The following LRRTM4 variants were observed in gnomAD, a reference collection of about 807,000 sequenced individuals.
The protein encoded by LRRTM4 is leucine-rich repeat transmembrane neuronal protein 4.
LRRTM4 carries 25 observed loss-of-function variants against 47.6 expected under a neutral mutation model. The ratio of observed to expected loss-of-function variants is 0.53; its 90% CI spans 0.38 to 0.73. LRRTM4 has a LOEUF of 0.73. Ranked by LOEUF, LRRTM4 falls within the 30% of genes least tolerant of loss-of-function variation. The probability of loss-of-function intolerance (pLI) is 0.00; values close to 1 mark genes in which losing one functional copy is unlikely to be tolerated. For synonymous variants in LRRTM4, 311 were observed against 269.5 expected (o/e 1.15, Z -1.51); for missense variants, 638 against 713.4 (o/e 0.89, Z 1.20).
At chr2:76,882,753 G>T (rs1396470125) in intron 3 of LRRTM4, among the ~76,000 whole-genome samples, 3 of 151,962 alleles carry the variant, frequency 2.0e-5, no homozygotes, top group Admixed American at 1.3e-4. Flanking sequence ...TTCCAGGAGG[G>T]AGTTTACTTT....
intron 3 of LRRTM4, among the ~76,000 whole-genome samples, chr2:76,845,002 A>G (rs1377464638): frequency 1.3e-5 from 2 of 152,128 alleles, no homozygotes; most frequent in African/African-American, 2.4e-5. Flanking sequence ...CATTTTTGTG[A>G]TGAAAGCAAA....
In LRRTM4 at chr2:77,045,484, A is replaced by G. The variant is rs141820001; in HGVS notation, c.1552-296568T>C. On this transcript the variant is annotated intron_variant, in intron 3 of 3. Transcript: ENST00000409884. Reference sequence around the variant, plus strand: ...AAACAAAATTGGCTTTAATTCGGTTAGGCTGTGTCCCCACCCAAATCTCAT... The same window carrying G: ...AAACAAAATTGGCTTTAATTCGGTTGGGCTGTGTCCCCACCCAAATCTCAT... 3.8e-3 allele frequency among the ~76,000 whole-genome samples: 574 copies of G among 152,040 alleles called. 9 individuals are homozygous for G. The highest frequency in any genetic ancestry group is 0.012 in the African/African-American group (514 of 41,520).
intron 3 of LRRTM4, among the ~76,000 whole-genome samples, chr2:77,442,186 A>G (rs1675869521): frequency 6.6e-6 from 1 of 152,170 alleles, no homozygotes; most frequent in Admixed American, 6.6e-5. Context: ...AAATAGCTTA[A>G]CTGATTTATT....
intron 3 of LRRTM4, among the ~76,000 whole-genome samples, chr2:77,029,249 A>C (rs1316919504): frequency 1.3e-5 from 2 of 151,896 alleles, no homozygotes; most frequent in Non-Finnish European, 2.9e-5. Flanking sequence ...GGAGTTTATT[A>C]GGAGTATTGA....
intron 3 of LRRTM4, among the ~76,000 whole-genome samples, chr2:77,104,909 TAAG>T (rs1295317413): frequency 6.6e-6 from 1 of 151,920 alleles, no homozygotes; most frequent in African/African-American, 2.4e-5. Context: ...TCAGATAAGA[TAAG>T]GAGGGAGCCA....
At chr2:77,185,847 G>T (rs1044284596) in intron 3 of LRRTM4, among the ~76,000 whole-genome samples, 1 of 152,102 alleles carries the variant, frequency 6.6e-6, no homozygotes, top group Non-Finnish European at 1.5e-5. Flanking sequence ...GCAAAGGTGT[G>T]ACTTTAGGAA....
intron 3 of LRRTM4, among the ~76,000 whole-genome samples, chr2:77,340,844 A>G (rs1226519007): frequency 6.6e-6 from 1 of 151,982 alleles, no homozygotes; most frequent in Non-Finnish European, 1.5e-5. Flanking sequence ...TAAATTTCAA[A>G]GTAAAGAAGA....
chr2:77,427,770 G>C (rs1675180900), intron 3 of LRRTM4, among the ~76,000 whole-genome samples: 1 of 152,186 alleles, frequency 6.6e-6, no homozygotes, highest in Non-Finnish European at 1.5e-5. Context: ...CTCCACTGAA[G>C]AGTTAAAATT....
At chr2:77,367,340 A>AT (rs1363181255) in intron 3 of LRRTM4, among the ~76,000 whole-genome samples, 7 of 151,328 alleles carry the variant, frequency 4.6e-5, no homozygotes, top group East Asian at 1.9e-4. Flanking sequence ...GAGGCTGTCA[A>AT]TTTTTTTTCA....
intron 3 of LRRTM4, among the ~76,000 whole-genome samples, chr2:77,454,814 C>T (rs10186352): frequency 0.041 from 6,182 of 152,258 alleles, 137 homozygotes; most frequent in Non-Finnish European, 0.058. Context: ...GATGCCCAAT[C>T]AATATGTGTT....
At chr2:76,963,483 C>T (rs1675929290) in intron 3 of LRRTM4, among the ~76,000 whole-genome samples, 1 of 150,390 alleles carries the variant, frequency 6.6e-6, no homozygotes, top group South Asian at 2.1e-4. Flanking sequence ...ACACATATGG[C>T]CAAGAAACCT....
intron 3 of LRRTM4, among the ~76,000 whole-genome samples, chr2:77,428,140 C>G (rs1163397295): frequency 6.6e-6 from 1 of 152,136 alleles, no homozygotes; most frequent in Non-Finnish European, 1.5e-5. Flanking sequence ...TGTTTCCTTT[C>G]CTTTCTGTCA....
intron 3 of LRRTM4, among the ~76,000 whole-genome samples, chr2:77,351,614 T>TTATATATATATATATATATATATATA (rs71656252): frequency 5.2e-5 from 7 of 135,398 alleles, no homozygotes; most frequent in African/African-American, 2.0e-4. Flanking sequence ...CATGACAAAT[T>TTATATATATATATATATATATATATA]TATATATATA....
At chr2:77,323,266 G>A (rs776353401) in intron 3 of LRRTM4, among the ~76,000 whole-genome samples, 29 of 152,074 alleles carry the variant, frequency 1.9e-4, no homozygotes, top group Admixed American at 1.7e-3. Flanking sequence ...GGTGGTCAGC[G>A]GAGGAACAGT....
chr2:77,457,507 C>T (rs1449547316), intron 3 of LRRTM4, among the ~76,000 whole-genome samples: 1 of 152,166 alleles, frequency 6.6e-6, no homozygotes, highest in East Asian at 1.9e-4. Flanking sequence ...ATTTTCCATA[C>T]AGCAGTCAGA....
chr2:77,004,390 T>C (rs1677555162), intron 3 of LRRTM4, among the ~76,000 whole-genome samples: 1 of 152,262 alleles, frequency 6.6e-6, no homozygotes, highest in African/African-American at 2.4e-5. Context: ...GGGACATGGC[T>C]TGAGAGGGTG....
intron 3 of LRRTM4, among the ~76,000 whole-genome samples, chr2:77,015,683 A>G (rs1678041144): frequency 6.6e-6 from 1 of 152,176 alleles, no homozygotes; most frequent in South Asian, 2.1e-4. Context: ...TAGGAAATAA[A>G]TGACCAAGAG....
chr2:77,128,001 G>T (rs146152124), intron 3 of LRRTM4, among the ~76,000 whole-genome samples: 41 of 152,206 alleles, frequency 2.7e-4, no homozygotes, highest in African/African-American at 9.6e-4. Context: ...AAATTTGCCA[G>T]GCGTAGTGGC....
At position 76,781,720 on chromosome 2, in the gene LRRTM4, C is replaced by T. The variant is rs139456185; in HGVS notation, c.1552-32804G>A. Among the ~76,000 whole-genome samples, 132 of 151,680 alleles carry T rather than the reference C, an allele frequency of 8.7e-4. 3 individuals carry two copies. In the East Asian group the frequency reaches 0.022, roughly 25 times the overall value. ...TGCAGAAATCACCCGTCCTCTGCGTCGCTCACGCTGGGAGCTATAGACCGG... is the reference window on the plus strand; with the variant it reads ...TGCAGAAATCACCCGTCCTCTGCGTTGCTCACGCTGGGAGCTATAGACCGG... On this transcript the variant is annotated intron_variant, in intron 3 of 3. Transcript: ENST00000409884.
Sources: allele counts gnomAD v4.1 joint callset (sites outside exome capture counted in the v4.1 genomes callset), GRCh38; gene constraint gnomAD v4.1.1; transcripts MANE v1.5; gene names NCBI Gene and HGNC (gene_info 2026-07-23, HGNC 2026-07-21).